PCDH15: variants seen among roughly 807,000 people sequenced by gnomAD.
PCDH15 encodes the protein protocadherin-15.
A neutral mutation model predicts 178.5 loss-of-function variants in PCDH15; 129 were observed. That is an observed-to-expected ratio of 0.72 (90% CI 0.63 to 0.84). The LOEUF (loss-of-function observed/expected upper bound fraction) is 0.84, where lower values mean the gene tolerates loss of function less well. PCDH15 is among the 40% of genes least tolerant of loss of function. The probability of loss-of-function intolerance (pLI) is 0.00; values close to 1 mark genes in which losing one functional copy is unlikely to be tolerated. For missense variants in PCDH15, 2,230 were observed against 2,099.9 expected (o/e 1.06, Z -1.21); for synonymous variants, 800 against 732.0 (o/e 1.09, Z -1.50).
intron 9 of PCDH15, among the ~76,000 whole-genome samples, chr10:54,219,592 C>CAAAAAAAAAAAAA (rs763785938): frequency 3.1e-5 from 1 of 32,382 alleles, no homozygotes; most frequent in Non-Finnish European, 6.6e-5. Context: ...GACTCCATCT[C>CAAAAAAAAAAAAA]AAAAAAAAAA....
At chr10:53,825,335 A>ATCAAATGACATTATTTGAATGTCTTT (rs2076608643) in intron 32 of PCDH15, among the ~76,000 whole-genome samples, 1 of 152,044 alleles carries the variant, frequency 6.6e-6, no homozygotes, top group Non-Finnish European at 1.5e-5. Context: ...AGTAGATGAA[A>ATCAAATGACATTATTTGAATGTCTTT]TCAAATGACA....
intron 3 of PCDH15, among the ~76,000 whole-genome samples, chr10:54,864,123 C>T (rs546150717): frequency 6.6e-6 from 1 of 152,130 alleles, no homozygotes; most frequent in South Asian, 2.1e-4. Context: ...GATATTTGGC[C>T]ATATATAAAT....
chr10:54,560,981 T>C (rs2088062423), intron 2 of PCDH15, among the ~76,000 whole-genome samples: 1 of 152,120 alleles, frequency 6.6e-6, no homozygotes, highest in Non-Finnish European at 1.5e-5. Flanking sequence ...TAAGCATCTG[T>C]GTAAAAATTG....
intron 2 of PCDH15, among the ~76,000 whole-genome samples, chr10:55,369,309 G>A (rs1489013839): frequency 2.0e-5 from 3 of 151,912 alleles, no homozygotes; most frequent in Non-Finnish European, 4.4e-5. Context: ...CCTCTATCAA[G>A]CACCTGGCTC....
intron 14 of PCDH15, among the ~76,000 whole-genome samples, chr10:54,138,671 T>C (rs996350530): frequency 3.9e-5 from 6 of 152,270 alleles, no homozygotes; most frequent in Non-Finnish European, 7.4e-5. Context: ...TCCAGTGTTC[T>C]TTGGAGTCTG....
At chr10:55,337,024 AG>A (rs1844414724) in intron 2 of PCDH15, among the ~76,000 whole-genome samples, 1 of 152,142 alleles carries the variant, frequency 6.6e-6, no homozygotes, top group Admixed American at 6.6e-5. Context: ...AACAGCTAAA[AG>A]TCTCTCCGTT....
intron 8 of PCDH15, among the ~76,000 whole-genome samples, chr10:54,280,570 TG>T (rs779518062): frequency 2.0e-5 from 3 of 151,832 alleles, no homozygotes; most frequent in Non-Finnish European, 4.4e-5. Flanking sequence ...CCTGACCCAC[TG>T]TCTTTGTTTC....
chr10:55,245,915 A>G (rs1246293252), intron 1 of PCDH15, among the ~76,000 whole-genome samples: 1 of 152,198 alleles, frequency 6.6e-6, no homozygotes, highest in Non-Finnish European at 1.5e-5. Context: ...AAACAGTTCT[A>G]TGCTGGCAGC....
intron 2 of PCDH15, among the ~76,000 whole-genome samples, chr10:54,988,383 G>C (rs1839421620): frequency 6.6e-6 from 1 of 152,136 alleles, no homozygotes; most frequent in South Asian, 2.1e-4. Flanking sequence ...GTAACAAGCA[G>C]GGATTGGAAC....
intron 3 of PCDH15, among the ~76,000 whole-genome samples, chr10:54,883,273 G>A (rs1954296034): frequency 6.6e-6 from 1 of 152,000 alleles, no homozygotes; most frequent in South Asian, 2.1e-4. Flanking sequence ...AAATAAACAT[G>A]TGTTTCAAAA....
intron 2 of PCDH15, among the ~76,000 whole-genome samples, chr10:55,576,112 C>G (rs1049594747): frequency 2.0e-5 from 3 of 152,106 alleles, no homozygotes; most frequent in Admixed American, 6.6e-5. Context: ...TTGCATATAA[C>G]TTTTGACTCC....
At chr10:53,990,581 A>T in intron 21 of PCDH15, among the ~76,000 whole-genome samples, 1 of 149,542 alleles carries the variant, frequency 6.7e-6, no homozygotes, top group Middle Eastern at 3.5e-3. Flanking sequence ...TCACAATGTT[A>T]TATATATATG....
chr10:54,565,366 C>T (rs763228425), intron 2 of PCDH15, among the ~76,000 whole-genome samples: 3 of 152,198 alleles, frequency 2.0e-5, no homozygotes, highest in Non-Finnish European at 4.4e-5. Context: ...GAATCAACCT[C>T]TGGTCCTTGA....
chr10:55,621,243 T>C (rs1408544394), intron 2 of PCDH15, among the ~76,000 whole-genome samples: 1 of 152,220 alleles, frequency 6.6e-6, no homozygotes, highest in East Asian at 1.9e-4. Flanking sequence ...CTAACATGTC[T>C]ATTTGTTAGT....
At position 54,195,756 on chromosome 10, in the gene PCDH15, C is replaced by A; in HGVS notation, c.1232G>T (p.Gly411Val). 1.9e-6 allele frequency: 3 copies of A among 1,614,044 alleles called. No individual in the cohort carries two copies. The highest frequency in any genetic ancestry group is 1.7e-6 in the Non-Finnish European group (2 of 1,179,986). The change falls in exon 11 of 38, where the codon GGA (glycine) becomes GTA (valine). Residue 411 changes from glycine (G) to valine (V), a missense_variant. Coordinates refer to ENST00000644397, the MANE Select transcript of PCDH15 (RefSeq NM_001384140.1). ...ATTGAGACTGTCCGAAATGGTTGCT[C>A]CCACTGGGGCAGATTCCAGGATATA... ...QGYILESAPV[G>V]ATISDSLNLT...
chr10:54,812,728 AT>A (rs1158023715), intron 3 of PCDH15, among the ~76,000 whole-genome samples: 1 of 152,070 alleles, frequency 6.6e-6, no homozygotes, highest in African/African-American at 2.4e-5. Flanking sequence ...AAGTGCTGGG[AT>A]AACAGGTGTG....
intron 3 of PCDH15, among the ~76,000 whole-genome samples, chr10:54,411,218 T>C (rs1163167703): frequency 1.9e-5 from 1 of 53,548 alleles, no homozygotes; most frequent in Non-Finnish European, 5.4e-5. Context: ...ATTCCAGTTA[T>C]ATATAGGCCC....
intron 3 of PCDH15, among the ~76,000 whole-genome samples, chr10:54,522,069 C>CA (rs1368715394): frequency 1.9e-5 from 2 of 105,790 alleles, no homozygotes; most frequent in Non-Finnish European, 3.4e-5. Context: ...GCCTGAGTGA[C>CA]AGAGTGAGAA....
chr10:55,343,695 G>C (rs1844665656), intron 2 of PCDH15, among the ~76,000 whole-genome samples: 1 of 151,780 alleles, frequency 6.6e-6, no homozygotes, highest in African/African-American at 2.4e-5. Context: ...GGTGTAGCTT[G>C]TATCCAACTC....
Sources: allele counts gnomAD v4.1 joint callset (sites outside exome capture counted in the v4.1 genomes callset), GRCh38; gene constraint gnomAD v4.1.1; transcripts MANE v1.5; gene names NCBI Gene and HGNC (gene_info 2026-07-23, HGNC 2026-07-21).